NIPBL: variants seen among roughly 807,000 people sequenced by gnomAD.
The protein encoded by NIPBL is nipped-B-like protein.
In NIPBL, 19 loss-of-function variants were observed where a neutral mutation model predicts 321.8. That is an observed-to-expected ratio of 0.06 (90% CI 0.04 to 0.09). The LOEUF is 0.09. Among genes scored for constraint, NIPBL ranks in the 10% least tolerant of loss-of-function variants. The probability of loss-of-function intolerance (pLI) is 1.00; values close to 1 mark genes in which losing one functional copy is unlikely to be tolerated. For synonymous variants in NIPBL, 1,106 were observed against 1,114.1 expected, an observed-to-expected ratio of 0.99 and a Z score of 0.14; for missense variants, 2,210 against 3,327.0, an observed-to-expected ratio of 0.66 and a Z score of 8.26.
rs762204285 is a variant in NIPBL at position 37,007,314 on chromosome 5, T to C, written c.4088-9T>C. On this transcript the variant is annotated splice_polypyrimidine_tract_variant and intron_variant, in intron 17 of 46. Transcript: ENST00000282516. ...ATGTTTTCCTTATCTTGAATTTGTT[T>C]CATTTTAGGAGGCTTATTAAGTTCA... 9 of 1,609,538 alleles carry C rather than the reference T, an allele frequency of 5.6e-6. No individual in the cohort carries two copies. The East Asian group carries it at 9.0e-5, about 16-fold the overall frequency.
chr5:36,941,110 A>G (rs921787559), intron 1 of NIPBL, among the ~76,000 whole-genome samples: 1 of 152,192 alleles, frequency 6.6e-6, no homozygotes, highest in Non-Finnish European at 1.5e-5. Context: ...CAGATAATCA[A>G]AAAGAAAGAA....
intron 1 of NIPBL, among the ~76,000 whole-genome samples, chr5:36,879,615 A>C (rs1268612623): frequency 1.3e-5 from 2 of 152,138 alleles, no homozygotes; most frequent in Non-Finnish European, 2.9e-5. Context: ...TGTTGGTTGG[A>C]ATATTCACTA....
intron 43 of NIPBL, among the ~76,000 whole-genome samples, chr5:37,058,025 CAG>C (rs1406310716): frequency 6.6e-6 from 1 of 152,114 alleles, no homozygotes; most frequent in African/African-American, 2.4e-5. Context: ...GTAAATCAGA[CAG>C]ATTATTTTAG....
Position 37,061,032 on chromosome 5 carries a change from C to T in NIPBL, c.7860+14C>T, listed in dbSNP as rs1194841464. 15 of 1,611,268 alleles carry T rather than the reference C, an allele frequency of 9.3e-6. No homozygotes were observed. Among genetic ancestry groups the T allele is most frequent in the Non-Finnish European group, 1.3e-5 (15 of 1,177,856 alleles). Reference sequence around the variant, plus strand: ...CAGTATCTAGATGTGAGTAGTAAAACCAAAAGTTTTTACTTCTCATAAGGG... The same window carrying T: ...CAGTATCTAGATGTGAGTAGTAAAATCAAAAGTTTTTACTTCTCATAAGGG... On this transcript the variant is annotated intron_variant, in intron 45 of 46. Transcript: ENST00000282516.
Position 37,000,493 on chromosome 5 carries a change from G to A in NIPBL, c.3425G>A (p.Gly1142Asp), listed in dbSNP as rs1382226843. Reference protein sequence around the residue: ...GHSHEGRRSSGGGRYRNRSPS... With the variant: ...GHSHEGRRSSDGGRYRNRSPS... The stretch of plus-strand genomic sequence containing the variant: ...TCTCATGAAGGAAGAAGGAGTTCAG[G>A]TGGTGGTCGTTATCGAAACCGAAGT... Residue 1142 changes from glycine (G) to aspartate (D), a missense_variant, in exon 12 of 47, where the codon GGT (glycine) becomes GAT (aspartate). Physicochemically the swap from Gly to Asp is moderately conservative, Grantham distance 94. This residue lies in a region of NIPBL where 381 missense variants were observed against 642.3 expected (regional missense o/e 0.59). Coordinates refer to ENST00000282516, the MANE Select transcript of NIPBL (RefSeq NM_133433.4). 3 of 1,613,390 alleles carry A rather than the reference G, an allele frequency of 1.9e-6. No homozygotes were observed. The African/African-American group carries it at 4.0e-5, about 22-fold the overall frequency.
Position 36,985,691 on chromosome 5 carries a change from G to A in NIPBL, c.2511G>A (p.Gln837=). The part of the protein sequence containing the change: ...RGESERHRGD[Q]SRVRRPETLR... ...AATCAGAGCGACATCGAGGGGATCA[G>A]TCTAGGGTTCGAAGACCAGAAACAT... The change falls in exon 10 of 47, where the codon CAG becomes CAA. Residue 837 remains glutamine (Q), a synonymous_variant. Coordinates refer to ENST00000282516, the MANE Select transcript of NIPBL (RefSeq NM_133433.4). 1 of 1,613,902 alleles carries A rather than the reference G, an allele frequency of 6.2e-7. No individual in the cohort carries two copies. Among genetic ancestry groups the A allele is most frequent in the Non-Finnish European group, 8.5e-7 (1 of 1,179,962 alleles).
At chr5:36,918,518 T>C (rs970649448) in intron 1 of NIPBL, among the ~76,000 whole-genome samples, 27 of 152,108 alleles carry the variant, frequency 1.8e-4, no homozygotes, top group African/African-American at 6.3e-4. Flanking sequence ...CCCTTTATTT[T>C]TTTCTCCTGC....
intron 34 of NIPBL, among the ~76,000 whole-genome samples, chr5:37,043,924 T>G (rs1027174402): frequency 1.3e-5 from 2 of 152,218 alleles, no homozygotes; most frequent in African/African-American, 2.4e-5. Context: ...TGTCTCCAGA[T>G]ACTGCCAAAT....
In NIPBL at chr5:37,059,148, T is replaced by A; in HGVS notation, c.7668T>A (p.Leu2556=). 1 of 1,614,156 alleles carries A rather than the reference T, an allele frequency of 6.2e-7. No individual in the cohort carries two copies. Among genetic ancestry groups the A allele is most frequent in the Non-Finnish European group, 8.5e-7 (1 of 1,180,014 alleles). Residue 2556 remains leucine, a synonymous_variant, in exon 44 of 47, where the codon CTT becomes CTA. Transcript: ENST00000282516. The part of the protein sequence containing the change: ...LLMLKQHLKN[L]CGFSDSKIQK... ...TGTTAAAACAACATTTGAAGAATCT[T>A]TGTGGATTTTCTGATAGGTAAGGTT...
chr5:37,026,869 G>T (rs1265568425), intron 31 of NIPBL, among the ~76,000 whole-genome samples: 1 of 150,162 alleles, frequency 6.7e-6, no homozygotes, highest in Non-Finnish European at 1.5e-5. Flanking sequence ...CTGTGAATAG[G>T]CACTACACTC....
At position 37,045,879 on chromosome 5, in the gene NIPBL, A is replaced by AT. The variant is rs539155437; in HGVS notation, c.6499-223dup. Among the ~76,000 whole-genome samples, 154 of 152,236 alleles carry AT rather than the reference A, an allele frequency of 1.0e-3. 1 individual carries two copies. The highest frequency in any genetic ancestry group is 1.4e-3 in the Non-Finnish European group (96 of 68,018). ...ATCAACAGCTGACTTTTTAAAAAAA[A>AT]TTTTTTTCAATGAAGGAAACAATGC... is the stretch of plus-strand genomic sequence containing the variant. On this transcript the variant is annotated intron_variant, in intron 37 of 46. Coordinates refer to ENST00000282516, the MANE Select transcript of NIPBL (RefSeq NM_133433.4).
At chr5:37,026,350 T>G in intron 31 of NIPBL, 23 bp downstream of exon 31, 1 of 1,390,592 alleles carries the variant, frequency 7.2e-7, no homozygotes, top group Non-Finnish European at 1.0e-6. Flanking sequence ...GGAACAAGGG[T>G]GTGGTCACTG....
chr5:37,033,685 T>TACACACACACAC (rs372949399), intron 32 of NIPBL, among the ~76,000 whole-genome samples: 62 of 64,904 alleles, frequency 9.6e-4, no homozygotes, highest in Admixed American at 3.8e-3. Context: ...TATATGTACA[T>TACACACACACAC]ACACACACAC....
At chr5:37,044,221 A>G in intron 34 of NIPBL, 126 bp from the exon 35 acceptor site, 1 of 863,718 alleles carries the variant, frequency 1.2e-6, no homozygotes, top group East Asian at 2.7e-5. Flanking sequence ...AAACTCTAAC[A>G]GACTTTTTTT....
chr5:37,000,648 T>A, intron 12 of NIPBL, 78 bp downstream of exon 12: 1 of 1,462,946 alleles, frequency 6.8e-7, no homozygotes, highest in Non-Finnish European at 9.5e-7. Context: ...ATATTTTATA[T>A]CTTTTTATGA....
At chr5:37,036,771 G>C (rs1579525155) in intron 33 of NIPBL, among the ~76,000 whole-genome samples, 1 of 151,240 alleles carries the variant, frequency 6.6e-6, no homozygotes, top group African/African-American at 2.4e-5. Flanking sequence ...TATTGAATAG[G>C]AGTAAAAATC....
chr5:36,906,484 A>T (rs1190797756), intron 1 of NIPBL, among the ~76,000 whole-genome samples: 1 of 152,154 alleles, frequency 6.6e-6, no homozygotes, highest in African/African-American at 2.4e-5. Context: ...ATTAAGAGTG[A>T]TATGTCCTTT....
intron 1 of NIPBL, among the ~76,000 whole-genome samples, chr5:36,939,943 T>C (rs1229716913): frequency 6.6e-6 from 1 of 152,190 alleles, no homozygotes; most frequent in Admixed American, 6.5e-5. Context: ...AAATGAACTT[T>C]GGGGGACACG....
chr5:37,027,139 A>G (rs1052742709), intron 31 of NIPBL, among the ~76,000 whole-genome samples: 9 of 152,304 alleles, frequency 5.9e-5, no homozygotes, highest in Non-Finnish European at 1.0e-4. Flanking sequence ...TTAAACCTCA[A>G]TACATTAAAC....
Sources: gnomAD v4.1 joint callset for allele counts (sites outside exome capture counted in the v4.1 genomes callset) on GRCh38, gnomAD v4.1.1 for gene constraint, gnomAD v4.1.1 regional missense constraint, MANE v1.5 for transcripts, NCBI Gene and HGNC (gene_info 2026-07-23, HGNC 2026-07-21) for gene names.